Variants in CYREN observed in about 807,000 individuals in gnomAD.
CYREN encodes cell cycle regulator of NHEJ.
In CYREN, 7 loss-of-function variants were observed where a neutral mutation model predicts 9.7. The ratio of observed to expected loss-of-function variants is 0.72; its 90% CI spans 0.41 to 1.36. The LOEUF (loss-of-function observed/expected upper bound fraction) is 1.36, where lower values mean the gene tolerates loss of function less well. Among genes scored for constraint, CYREN ranks in the 40% most tolerant of loss-of-function variants. The probability of loss-of-function intolerance (pLI) is 0.01; values close to 1 mark genes in which losing one functional copy is unlikely to be tolerated. For synonymous variants in CYREN, 76 were observed against 77.9 expected (o/e 0.98, Z 0.13); for missense variants, 215 against 198.1 (o/e 1.09, Z -0.51).
intron 2 of CYREN, among the ~76,000 whole-genome samples, chr7:135,139,632 G>A (rs563636720): frequency 2.8e-4 from 43 of 151,804 alleles, no homozygotes; most frequent in African/African-American, 1.0e-3. Flanking sequence ...AGTCTTTAAC[G>A]TGAAATATTT....
chr7:135,167,806 G>C lies in CYREN; in HGVS notation c.139C>G (p.Leu47Val), dbSNP rs773195535. 1 of 1,614,112 alleles carries C rather than the reference G, an allele frequency of 6.2e-7. No individual in the cohort carries two copies. The highest frequency in any genetic ancestry group is 8.5e-7 in the Non-Finnish European group (1 of 1,180,012). ...CAGTACACAGTCCTTGTCGCAGGGA[G>C]TCTGAAAAAAAGACATGCAAGGCAC... ...MAAVPVAAAR[L>V]PATRTVYCMN... The change falls in exon 3 of 4, where the codon CTC becomes GTC. Residue 47 changes from leucine (L) to valine (V), a missense_variant and splice_region_variant. Transcript: ENST00000393114.
chr7:135,167,215 T>C lies in CYREN; in HGVS notation c.214-344A>G. ...TGGGTGTGGGCCCATGCCTTAGCAC[T>C]AGGAAAAGTCCCACACCACAGGGTT... On this transcript the variant is annotated intron_variant, in intron 3 of 3. Coordinates refer to ENST00000393114, the MANE Select transcript of CYREN (RefSeq NM_024033.4). 3 of 1,118,680 alleles carry C rather than the reference T, an allele frequency of 2.7e-6. No homozygotes were observed. The South Asian group carries it at 9.8e-5, about 36-fold the overall frequency. The allele number at this position is 1,118,680 out of a possible 1,614,324, so 69.3% of individuals were successfully genotyped here.
At chr7:135,107,128 C>A (rs1384901159) in intron 2 of CYREN, among the ~76,000 whole-genome samples, 1 of 146,332 alleles carries the variant, frequency 6.8e-6, no homozygotes, top group Non-Finnish European at 1.5e-5. Context: ...AGCTACCAAC[C>A]TATCTATATT....
At chr7:135,132,290 G>T (rs1297978062) in intron 2 of CYREN, among the ~76,000 whole-genome samples, 1 of 152,132 alleles carries the variant, frequency 6.6e-6, no homozygotes, top group Non-Finnish European at 1.5e-5. Context: ...ATAGAATTCA[G>T]CTCTAAATAA....
At chr7:135,094,488 TG>T (rs1375431831) in exon 3 of CYREN, 1 of 456,714 alleles carries the variant, frequency 2.2e-6, no homozygotes, top group Admixed American at 2.3e-5. Flanking sequence ...AAACTCCTGG[TG>T]GCCATAGTCT....
At chr7:135,148,041 G>A in intron 2 of CYREN, 1 of 456,098 alleles carries the variant, frequency 2.2e-6, no homozygotes, top group Non-Finnish European at 4.4e-6. Flanking sequence ...AGCTGATAGT[G>A]ACATCAGTCA....
chr7:135,103,418 C>T (rs909240142), intron 2 of CYREN, among the ~76,000 whole-genome samples: 10 of 152,160 alleles, frequency 6.6e-5, no homozygotes, highest in African/African-American at 2.2e-4. Flanking sequence ...GAATCAAACT[C>T]TCACCCATAT....
At chr7:135,101,192 A>C in intron 2 of CYREN, 1 of 456,254 alleles carries the variant, frequency 2.2e-6, no homozygotes, top group South Asian at 1.5e-5. Flanking sequence ...ATTTGTATGG[A>C]AACTGTTTCA....
At chr7:135,170,399 C>T (rs1271212383) in intron 1 of CYREN, 1 of 152,298 alleles carries the variant, frequency 6.6e-6, no homozygotes, top group Non-Finnish European at 1.5e-5. Flanking sequence ...CGGCGCCGAC[C>T]TGTGGGAGGC....
chr7:135,144,125 T>C (rs1829500979), intron 2 of CYREN, among the ~76,000 whole-genome samples: 1 of 152,202 alleles, frequency 6.6e-6, no homozygotes, highest in African/African-American at 2.4e-5. Flanking sequence ...CACTCAACCA[T>C]AAGGCAAAGG....
chr7:135,136,211 G>A (rs1302503107), intron 2 of CYREN, among the ~76,000 whole-genome samples: 2 of 152,092 alleles, frequency 1.3e-5, no homozygotes, highest in East Asian at 1.9e-4. Context: ...TCAGGTAGGA[G>A]AGGTACATTA....
chr7:135,159,795 C>A (rs1393676214), intron 2 of CYREN, among the ~76,000 whole-genome samples: 1 of 152,192 alleles, frequency 6.6e-6, no homozygotes, highest in East Asian at 1.9e-4. Context: ...TCAACAAACA[C>A]TTGAAAATGT....
upstream of CYREN, among the ~76,000 whole-genome samples, chr7:135,171,150 T>G (rs545095443): frequency 7.9e-5 from 12 of 152,220 alleles, no homozygotes; most frequent in East Asian, 2.3e-3. Context: ...AATAATAGAA[T>G]AGCGTAAGTA....
At chr7:135,140,883 A>G (rs1348944154) in intron 2 of CYREN, among the ~76,000 whole-genome samples, 5 of 152,076 alleles carry the variant, frequency 3.3e-5, no homozygotes, top group South Asian at 2.1e-4. Flanking sequence ...ATTGATTTGC[A>G]TATGTTGAAC....
At chr7:135,170,478 A>T (rs1326092188) in intron 1 of CYREN, 174 bp downstream of exon 1, 1 of 152,288 alleles carries the variant, frequency 6.6e-6, no homozygotes, top group African/African-American at 2.4e-5. Context: ...TGACCCCGCC[A>T]CACGCCGGGC....
intron 2 of CYREN, among the ~76,000 whole-genome samples, chr7:135,146,111 T>G (rs530233927): frequency 2.0e-5 from 3 of 152,298 alleles, no homozygotes; most frequent in Admixed American, 2.0e-4. Context: ...ACTTAAACAC[T>G]TACAGGCCAT....
intron 2 of CYREN, chr7:135,128,628 A>T (rs1828291104): frequency 1.2e-6 from 1 of 818,104 alleles, no homozygotes; most frequent in African/African-American, 1.7e-5. Flanking sequence ...TGGCAGCGTG[A>T]TCCCGTTTGC....
At chr7:135,147,050 C>T (rs914203460) in intron 2 of CYREN, among the ~76,000 whole-genome samples, 1 of 152,106 alleles carries the variant, frequency 6.6e-6, no homozygotes, top group Non-Finnish European at 1.5e-5. Context: ...ACTAAATATA[C>T]AGAAATTCCA....
intron 2 of CYREN, among the ~76,000 whole-genome samples, chr7:135,149,010 A>G (rs1829609350): frequency 6.6e-6 from 1 of 152,120 alleles, no homozygotes; most frequent in African/African-American, 2.4e-5. Flanking sequence ...TGATAACTGA[A>G]GAGCATTTTT....
Sources: allele counts gnomAD v4.1 joint callset (sites outside exome capture counted in the v4.1 genomes callset), GRCh38; gene constraint gnomAD v4.1.1; transcripts MANE v1.5; gene names NCBI Gene and HGNC (gene_info 2026-07-23, HGNC 2026-07-21).